Variants in TMEM132C observed in about 807,000 individuals in gnomAD.
TMEM132C encodes the protein transmembrane protein 132C.
A neutral mutation model predicts 61.4 loss-of-function variants in TMEM132C; 29 were observed. The observed-to-expected ratio is 0.47, with a 90% CI of 0.35 to 0.64. The LOEUF (loss-of-function observed/expected upper bound fraction) is 0.64. TMEM132C is among the 30% of genes least tolerant of loss of function. TMEM132C has a pLI of 0.00. For missense variants in TMEM132C, 1,408 were observed against 1,476.9 expected (o/e 0.95, Z 0.76); for synonymous variants, 656 against 633.1 (o/e 1.04, Z -0.54).
chr12:128,703,989 T>A (rs1954819860), intron 8 of TMEM132C, among the ~76,000 whole-genome samples: 1 of 152,156 alleles, frequency 6.6e-6, no homozygotes, highest in Non-Finnish European at 1.5e-5. Context: ...TTCTGTGGGA[T>A]TATGTTTGCT....
intron 3 of TMEM132C, among the ~76,000 whole-genome samples, chr12:128,552,303 G>A (rs1462193061): frequency 1.3e-5 from 2 of 152,174 alleles, no homozygotes; most frequent in African/African-American, 2.4e-5. Flanking sequence ...ATAATATTCT[G>A]TAGATTTTAT....
intron 1 of TMEM132C, among the ~76,000 whole-genome samples, chr12:128,392,461 A>G (rs566718043): frequency 6.6e-6 from 1 of 152,166 alleles, no homozygotes; most frequent in South Asian, 2.1e-4. Context: ...AAGAGCTTCT[A>G]TTCCAGTTTC....
At chr12:128,687,635 G>A (rs927193231) in intron 5 of TMEM132C, among the ~76,000 whole-genome samples, 6 of 152,334 alleles carry the variant, frequency 3.9e-5, no homozygotes, top group East Asian at 1.9e-4. Context: ...CAGCTGGGTC[G>A]AGTGAACAGT....
chr12:128,527,707 A>ATGTGTGTGTGTG (rs5801799), intron 2 of TMEM132C, among the ~76,000 whole-genome samples: 1,625 of 147,176 alleles, frequency 0.011, 22 homozygotes, highest in African/African-American at 0.039. Flanking sequence ...ATGTGCATGT[A>ATGTGTGTGTGTG]TGTGTGTGTG....
chr12:128,572,151 C>T (rs1193520675), intron 3 of TMEM132C, among the ~76,000 whole-genome samples: 1 of 151,728 alleles, frequency 6.6e-6, no homozygotes, highest in Non-Finnish European at 1.5e-5. Flanking sequence ...CCCATTGTGG[C>T]CTCTGCTGAT....
At chr12:128,425,614 C>T (rs1178440381) in intron 2 of TMEM132C, among the ~76,000 whole-genome samples, 10 of 152,304 alleles carry the variant, frequency 6.6e-5, no homozygotes, top group Middle Eastern at 3.4e-3. Flanking sequence ...TGTTCTCTCA[C>T]GTTTCTAGAG....
chr12:128,616,291 T>C lies in TMEM132C; in HGVS notation c.1261T>C (p.Phe421Leu), dbSNP rs1352369088. ...CACAGACATCGCCGTGTCCGAGATC[T>C]TTGTCAGCCAGAAGGACCTGGTGGG... The part of the protein sequence containing the change: ...GTTDIAVSEI[F>L]VSQKDLVGIV... Residue 421 changes from phenylalanine (F) to leucine (L), a missense_variant, in exon 4 of 9, where the codon TTT (phenylalanine) becomes CTT (leucine). Coordinates refer to ENST00000435159, the MANE Select transcript of TMEM132C (RefSeq NM_001136103.3). 6.4e-7 allele frequency: 1 copy of C among 1,551,946 alleles called. No individual in the cohort carries two copies. Among genetic ancestry groups the C allele is most frequent in the Admixed American group, 2.0e-5 (1 of 51,012 alleles).
In TMEM132C at chr12:128,376,479, G is replaced by A. The variant is rs114097254; in HGVS notation, c.86-38253G>A. On this transcript the variant is annotated intron_variant, in intron 1 of 8. Transcript: ENST00000435159. ...CAACTTTAGATATCAAGAGAATCAT[G>A]ATATATTTATTACTACAAAAGAGAA... is the stretch of plus-strand genomic sequence containing the variant. Among the ~76,000 whole-genome samples the A allele has an allele frequency of 3.2e-3, 489 of 152,310 alleles. 4 individuals are homozygous for A. Among genetic ancestry groups the A allele is most frequent in the African/African-American group, 0.011 (468 of 41,572 alleles).
At position 128,478,720 on chromosome 12, in the gene TMEM132C, G is replaced by C. The variant is rs150694240; in HGVS notation, c.974+63100G>C. Among the ~76,000 whole-genome samples the C allele has an allele frequency of 2.8e-4, 43 of 152,292 alleles. No individual in the cohort carries two copies. The East Asian group carries it at 7.3e-3, about 26-fold the overall frequency. On this transcript the variant is annotated intron_variant, in intron 2 of 8. Coordinates refer to ENST00000435159, the MANE Select transcript of TMEM132C (RefSeq NM_001136103.3). ...ATTACCGGAGGTACAGCAAAGGCACGTAAGCCTCCTGAACTATTTGCACAC... is the reference window on the plus strand; with the variant it reads ...ATTACCGGAGGTACAGCAAAGGCACCTAAGCCTCCTGAACTATTTGCACAC...
At position 128,675,888 on chromosome 12, in the gene TMEM132C, G is replaced by GATAA. The variant is rs1443219837; in HGVS notation, c.1449+6331_1449+6332insAATA. Among the ~76,000 whole-genome samples, 29 of 119,296 alleles carry GATAA rather than the reference G, an allele frequency of 2.4e-4. No homozygotes were observed. The Admixed American group carries it at 2.6e-3, about 11-fold the overall frequency. The allele number at this position is 119,296 out of a possible 152,430, so 78.3% of individuals were successfully genotyped here. A position where few individuals can be genotyped will look rare whatever the true frequency, so the allele number is the denominator to read the frequency against. Reference sequence around the variant, plus strand: ...AGATAGATAGATAGATAGATAAATAGATAGATAGATAGATTTGTTGCTGAA... The same window carrying GATAA: ...AGATAGATAGATAGATAGATAAATAGATAAATAGATAGATAGATTTGTTGCTGAA... On this transcript the variant is annotated intron_variant, in intron 5 of 8. Coordinates refer to ENST00000435159, the MANE Select transcript of TMEM132C (RefSeq NM_001136103.3).
chr12:128,574,413 A>G (rs1593105169), intron 3 of TMEM132C, among the ~76,000 whole-genome samples: 1 of 152,230 alleles, frequency 6.6e-6, no homozygotes, highest in Admixed American at 6.5e-5. Flanking sequence ...CCATAGAGAA[A>G]CCGTTATTAT....
chr12:128,497,546 C>T (rs1175601943), intron 2 of TMEM132C, among the ~76,000 whole-genome samples: 1 of 152,226 alleles, frequency 6.6e-6, no homozygotes, highest in African/African-American at 2.4e-5. Context: ...GCCCCTCCCC[C>T]AGCCTCGCTG....
At chr12:128,274,651 C>G (rs951792611) in intron 1 of TMEM132C, among the ~76,000 whole-genome samples, 1 of 152,210 alleles carries the variant, frequency 6.6e-6, no homozygotes, top group Non-Finnish European at 1.5e-5. Context: ...CTTTAGGGTA[C>G]CGCAGTTGGA....
At chr12:128,287,089 C>T (rs1452221650) in intron 1 of TMEM132C, among the ~76,000 whole-genome samples, 1 of 152,162 alleles carries the variant, frequency 6.6e-6, no homozygotes, top group African/African-American at 2.4e-5. Context: ...GTTTCTCAGC[C>T]TCAGCACTGT....
intron 4 of TMEM132C, among the ~76,000 whole-genome samples, chr12:128,660,602 T>A (rs1367076120): frequency 6.6e-6 from 1 of 152,238 alleles, no homozygotes; most frequent in Non-Finnish European, 1.5e-5. Context: ...AGACACTTTA[T>A]GCAGTCACTT....
intron 1 of TMEM132C, among the ~76,000 whole-genome samples, chr12:128,325,039 G>A (rs1565901491): frequency 1.3e-5 from 2 of 152,050 alleles, no homozygotes; most frequent in Non-Finnish European, 2.9e-5. Context: ...AAAAGTAGAG[G>A]AATTCCTGAG....
At chr12:128,369,798 C>CTT (rs1343124933) in intron 1 of TMEM132C, among the ~76,000 whole-genome samples, 15 of 152,196 alleles carry the variant, frequency 9.9e-5, no homozygotes, top group Admixed American at 9.8e-4. Flanking sequence ...TTCATCGAGG[C>CTT]GTGCTGCCAT....
chr12:128,426,097 C>T (rs190265217), intron 2 of TMEM132C, among the ~76,000 whole-genome samples: 139 of 152,334 alleles, frequency 9.1e-4, no homozygotes, highest in African/African-American at 2.9e-3. Flanking sequence ...AACACCAGGC[C>T]GTGTTCCCTG....
intron 1 of TMEM132C, among the ~76,000 whole-genome samples, chr12:128,307,018 AG>A (rs1316977288): frequency 1.3e-5 from 2 of 152,154 alleles, no homozygotes; most frequent in Admixed American, 1.3e-4. Context: ...GGAATCAAAG[AG>A]AGGAGCTACA....
Sources: gnomAD v4.1 joint callset for allele counts (sites outside exome capture counted in the v4.1 genomes callset) on GRCh38, gnomAD v4.1.1 for gene constraint, MANE v1.5 for transcripts, NCBI Gene and HGNC (gene_info 2026-07-23, HGNC 2026-07-21) for gene names.